Variants in PRPSAP2 observed in about 807,000 individuals in gnomAD.
PRPSAP2 encodes phosphoribosyl pyrophosphate synthase-associated protein 2.
Under a neutral mutation model 40.6 loss-of-function variants are expected in PRPSAP2, and 24 were observed. The ratio of observed to expected loss-of-function variants is 0.59; its 90% CI spans 0.43 to 0.83. The LOEUF (loss-of-function observed/expected upper bound fraction) is 0.83. Ranked by LOEUF, PRPSAP2 falls within the 40% of genes least tolerant of loss-of-function variation. The pLI, the probability that PRPSAP2 is intolerant of heterozygous loss-of-function variation, is 0.00. For missense variants in PRPSAP2, 292 were observed against 465.6 expected, an observed-to-expected ratio of 0.63 and a Z score of 3.43; for synonymous variants, 149 against 164.7, an observed-to-expected ratio of 0.90 and a Z score of 0.73.
intron 8 of PRPSAP2, among the ~76,000 whole-genome samples, chr17:18,895,264 T>A (rs987360348): frequency 2.8e-4 from 42 of 151,644 alleles, no homozygotes; most frequent in African/African-American, 8.7e-4. Flanking sequence ...TAAAAAAATA[T>A]ATATATATTT....
intron 4 of PRPSAP2, among the ~76,000 whole-genome samples, chr17:18,869,759 T>G (rs1426734919): frequency 6.7e-6 from 1 of 148,732 alleles, no homozygotes; most frequent in African/African-American, 2.5e-5. Flanking sequence ...CCACATTTCT[T>G]TTGTAAACTT....
At chr17:18,912,579 C>T (rs1212214633) in intron 9 of PRPSAP2, among the ~76,000 whole-genome samples, 1 of 152,138 alleles carries the variant, frequency 6.6e-6, no homozygotes, top group Non-Finnish European at 1.5e-5. Flanking sequence ...AGTCCAAAGT[C>T]CCATCTAAAT....
Position 18,889,878 on chromosome 17 carries a change from G to A in PRPSAP2, c.584+1G>A, listed in dbSNP as rs764140788. The A allele has an allele frequency of 1.9e-6, 3 of 1,610,472 alleles. No individual in the cohort carries two copies. The highest frequency in any genetic ancestry group is 2.5e-6 in the Non-Finnish European group (3 of 1,177,928). ...CCAAGTCTCCAGCCTCGGCGAAGAG[G>A]TAGGTGGGAATCTCACAACCTCTTT... On this transcript the variant is annotated splice_donor_variant, in intron 8 of 11. Transcript: ENST00000268835. LOFTEE classifies it high-confidence loss of function.
At chr17:18,920,996 C>CT (rs1419644691) in intron 9 of PRPSAP2, among the ~76,000 whole-genome samples, 1 of 149,554 alleles carries the variant, frequency 6.7e-6, no homozygotes, top group African/African-American at 2.4e-5. Context: ...ACAGCAATTT[C>CT]TTTTTTTTTT....
intron 9 of PRPSAP2, among the ~76,000 whole-genome samples, chr17:18,921,506 G>A (rs960197884): frequency 2.6e-5 from 4 of 152,138 alleles, no homozygotes; most frequent in African/African-American, 9.7e-5. Flanking sequence ...ATGCTCACCT[G>A]GGGTCACACA....
At chr17:18,908,114 A>C (rs1279585222) in intron 8 of PRPSAP2, among the ~76,000 whole-genome samples, 1 of 152,108 alleles carries the variant, frequency 6.6e-6, no homozygotes, top group Non-Finnish European at 1.5e-5. Flanking sequence ...AGCCAAGATC[A>C]CGCCACTGCA....
chr17:18,902,850 C>T (rs1169138562), intron 8 of PRPSAP2, among the ~76,000 whole-genome samples: 1 of 96,070 alleles, frequency 1.0e-5, no homozygotes. Context: ...GCCTGGGTGA[C>T]AAGAGCAAAA....
intron 9 of PRPSAP2, among the ~76,000 whole-genome samples, chr17:18,917,716 C>T (rs1405323921): frequency 6.7e-6 from 1 of 149,622 alleles, no homozygotes; most frequent in African/African-American, 2.5e-5. Flanking sequence ...GGATTACAGG[C>T]GCCCGGCCAA....
intron 11 of PRPSAP2, 23 bp from the exon 12 acceptor site, chr17:18,930,517 G>GT (rs750852208): frequency 2.1e-4 from 336 of 1,600,058 alleles, no homozygotes; most frequent in Non-Finnish European, 2.6e-4. Context: ...TGATGCTGTG[G>GT]TTTTTTTTCT....
At chr17:18,857,159 C>T (rs898481906), upstream of PRPSAP2, among the ~76,000 whole-genome samples, 2 of 151,942 alleles carry the variant, frequency 1.3e-5, no homozygotes, top group Non-Finnish European at 2.9e-5. Context: ...CATGGTGAAA[C>T]CCTGTCTCTA....
At chr17:18,894,686 TC>T in intron 8 of PRPSAP2, among the ~76,000 whole-genome samples, 1 of 152,090 alleles carries the variant, frequency 6.6e-6, no homozygotes, top group Non-Finnish European at 1.5e-5. Flanking sequence ...GGTTTCACCA[TC>T]TTGGCCAGGC....
chr17:18,898,668 A>G lies in PRPSAP2; in HGVS notation c.584+8791A>G, dbSNP rs569476441. On this transcript the variant is annotated intron_variant, in intron 8 of 11. Transcript: ENST00000268835. The stretch of plus-strand genomic sequence containing the variant: ...GTTGGTTATCATGAATTATTTTTCA[A>G]GATTATTTCTTTGTCTTTAGTTTTC... Among the ~76,000 whole-genome samples the G allele has an allele frequency of 6.6e-5, 10 of 152,232 alleles. No homozygotes were observed. In the East Asian group the frequency reaches 1.5e-3, roughly 23 times the overall value.
At chr17:18,867,235 G>A in intron 3 of PRPSAP2, 47 bp from the exon 4 acceptor site, 2 of 1,559,986 alleles carry the variant, frequency 1.3e-6, no homozygotes. Context: ...AAGATACTGG[G>A]TTTCTTCTAT....
At chr17:18,908,998 C>CA (rs1033143102) in intron 8 of PRPSAP2, 72 of 211,180 alleles carry the variant, frequency 3.4e-4, no homozygotes, top group South Asian at 4.8e-4. Context: ...ATTCAACATT[C>CA]AAAAAAAAAG....
chr17:18,908,809 C>A, intron 8 of PRPSAP2: 1 of 721,848 alleles, frequency 1.4e-6, no homozygotes, highest in Non-Finnish European at 2.6e-6. Context: ...GGCGGAAAAG[C>A]TAGAAGCTCT....
intron 10 of PRPSAP2, among the ~76,000 whole-genome samples, chr17:18,927,831 G>C (rs1463575325): frequency 6.6e-6 from 1 of 152,144 alleles, no homozygotes; most frequent in Non-Finnish European, 1.5e-5. Flanking sequence ...CCAGGTTGGA[G>C]TGCAGTGGCT....
chr17:18,927,703 TATAAG>T (rs2042042544), intron 10 of PRPSAP2, among the ~76,000 whole-genome samples: 1 of 152,210 alleles, frequency 6.6e-6, no homozygotes, highest in African/African-American at 2.4e-5. Context: ...GATATACTCT[TATAAG>T]AGACTGTCAA....
At chr17:18,898,758 T>C (rs1194381083) in intron 8 of PRPSAP2, among the ~76,000 whole-genome samples, 1 of 152,216 alleles carries the variant, frequency 6.6e-6, no homozygotes, top group East Asian at 1.9e-4. Context: ...TTTGCTGGAC[T>C]TCTTGAAGCT....
At chr17:18,929,358 AAATAATAATAATAAT>A (rs60559123) in intron 11 of PRPSAP2, among the ~76,000 whole-genome samples, 2 of 144,774 alleles carry the variant, frequency 1.4e-5, no homozygotes, top group South Asian at 2.2e-4. Context: ...CTCTTGTCTC[AAATAATAATAATAAT>A]AATAATAATA....
Sources: allele counts gnomAD v4.1 joint callset (sites outside exome capture counted in the v4.1 genomes callset), GRCh38; gene constraint gnomAD v4.1.1; transcripts MANE v1.5; gene names NCBI Gene and HGNC (gene_info 2026-07-23, HGNC 2026-07-21).